The following CARD14 variants were observed in gnomAD, a reference collection of about 807,000 sequenced individuals.
CARD14 encodes the protein caspase recruitment domain-containing protein 14.
Under a neutral mutation model 111.5 loss-of-function variants are expected in CARD14, and 107 were observed. The observed-to-expected ratio is 0.96, with a 90% confidence interval of 0.82 to 1.13. CARD14 has a LOEUF of 1.13. Among genes scored for constraint, CARD14 ranks in the 50% most tolerant of loss-of-function variants. CARD14 has a pLI of 0.00. For missense variants in CARD14, 1,322 were observed against 1,362.3 expected, an observed-to-expected ratio of 0.97 and a Z score of 0.47; for synonymous variants, 617 against 579.6, an observed-to-expected ratio of 1.06 and a Z score of -0.93.
At chr17:80,181,341 A>T (rs2040166410) in intron 4 of CARD14, 78 bp from the exon 5 acceptor site, 1 of 1,111,928 alleles carries the variant, frequency 9.0e-7, no homozygotes, top group South Asian at 1.5e-5. Flanking sequence ...GATGGAGTTG[A>T]TTTTAAAACG....
At chr17:80,190,093 C>T (rs972499023) in intron 9 of CARD14, among the ~76,000 whole-genome samples, 7 of 152,114 alleles carry the variant, frequency 4.6e-5, no homozygotes, top group Admixed American at 1.3e-4. Flanking sequence ...GTGATTCAAA[C>T]GCAGGGGATT....
chr17:80,188,364 C>T lies in CARD14; in HGVS notation c.676-13C>T. On this transcript the variant is annotated splice_polypyrimidine_tract_variant and intron_variant, in intron 7 of 23. Coordinates refer to ENST00000648509, the MANE Select transcript of CARD14 (RefSeq NM_001366385.1). The surrounding 1 kb of genome is among the most constrained non-coding windows in gnomAD (Gnocchi z 4.5). ...GTTTCCATCGCCCTTCCTGTCGCCT[C>T]CCCACCGCACAGCTGTATCTACTGA... The T allele has an allele frequency of 1.9e-6, 3 of 1,604,714 alleles. No individual in the cohort carries two copies. Among genetic ancestry groups the T allele is most frequent in the Non-Finnish European group, 2.6e-6 (3 of 1,175,812 alleles).
rs1305295516 is a variant in CARD14, at chr17:80,207,642, C to T, written c.2808-496C>T. On this transcript the variant is annotated intron_variant, in intron 23 of 23. Coordinates refer to ENST00000648509, the MANE Select transcript of CARD14 (RefSeq NM_001366385.1). ...TCTGGCCTCTCCAGAATCTTGATACCAGGATGACGGTGCCTTTTACAGTGG... is the reference window on the plus strand; with the variant it reads ...TCTGGCCTCTCCAGAATCTTGATACTAGGATGACGGTGCCTTTTACAGTGG... The T allele has an allele frequency of 1.9e-5, 3 of 157,862 alleles. No homozygotes were observed. The East Asian group carries it at 5.6e-4, about 30-fold the overall frequency. The allele number at this position is 157,862 out of a possible 1,614,324, so 9.8% of individuals were successfully genotyped here.
Position 80,188,577 on chromosome 17 carries a change from T to A in CARD14, c.843+33T>A, listed in dbSNP as rs1476473187. On this transcript the variant is annotated intron_variant, in intron 8 of 23. Coordinates refer to ENST00000648509, the MANE Select transcript of CARD14 (RefSeq NM_001366385.1). The surrounding 1 kb of genome is among the most constrained non-coding windows in gnomAD (Gnocchi z 4.5). ...CCGGTCCCCGCAGCAGAGAGCGGCC[T>A]CCTGCCTTGGGGGCTTGGCCCTCAG... 2.1e-6 allele frequency: 3 copies of A among 1,432,368 alleles called. No homozygotes were observed. The highest frequency in any genetic ancestry group is 2.8e-6 in the Non-Finnish European group (3 of 1,088,772). The allele number at this position is 1,432,368 out of a possible 1,614,324, so 88.7% of individuals were successfully genotyped here.
Position 80,195,058 on chromosome 17 carries a change from T to C in CARD14, c.1357-133T>C. The C allele has an allele frequency of 8.6e-7, 1 of 1,158,018 alleles. No individual in the cohort carries two copies. Among genetic ancestry groups the C allele is most frequent in the Non-Finnish European group, 1.2e-6 (1 of 832,360 alleles). The allele number at this position is 1,158,018 out of a possible 1,614,324, so 71.7% of individuals were successfully genotyped here. A position where few individuals can be genotyped will look rare whatever the true frequency, so the allele number is the denominator to read the frequency against. Reference sequence around the variant, plus strand: ...TGCTCAGCGCATGTGACCCCATGTGTGTCCTTCTTTCCCCTCCTGCCTCCT... The same window carrying C: ...TGCTCAGCGCATGTGACCCCATGTGCGTCCTTCTTTCCCCTCCTGCCTCCT... On this transcript the variant is annotated intron_variant, in intron 12 of 23. Transcript: ENST00000648509. The surrounding 1 kb of genome is among the most constrained non-coding windows in gnomAD (Gnocchi z 4.7).
In CARD14 at chr17:80,201,566, A is replaced by G; in HGVS notation, c.1852-178A>G. 1 of 667,896 alleles carries G rather than the reference A, an allele frequency of 1.5e-6. No individual in the cohort carries two copies. The highest frequency in any genetic ancestry group is 1.7e-5 in the South Asian group (1 of 58,008). The allele number at this position is 667,896 out of a possible 1,614,324, so 41.4% of individuals were successfully genotyped here. Reference sequence around the variant, plus strand: ...CACTATGTGTAGCACGCATCACTAGAGGTGTGAAGGCCCCACAGAGGCTCT... The same window carrying G: ...CACTATGTGTAGCACGCATCACTAGGGGTGTGAAGGCCCCACAGAGGCTCT... On this transcript the variant is annotated intron_variant, in intron 16 of 23. Transcript: ENST00000648509. This position sits in a 1 kb window ranked among gnomAD's most constrained non-coding sequence, Gnocchi z 5.0.
Position 80,189,716 on chromosome 17 carries a change from G to A in CARD14, c.844-37G>A. Reference sequence around the variant, plus strand: ...TGCTTGCCTAGGGCAGGCCTCTGGGGAAGCCAGCACCCCAGGCTGACCTCT... The same window carrying A: ...TGCTTGCCTAGGGCAGGCCTCTGGGAAAGCCAGCACCCCAGGCTGACCTCT... On this transcript the variant is annotated intron_variant, in intron 8 of 23. Transcript: ENST00000648509. The surrounding 1 kb of genome is among the most constrained non-coding windows in gnomAD (Gnocchi z 4.7). 1 of 1,514,748 alleles carries A rather than the reference G, an allele frequency of 6.6e-7. No homozygotes were observed. The highest frequency in any genetic ancestry group is 1.4e-5 in the African/African-American group (1 of 69,098). The allele number at this position is 1,514,748 out of a possible 1,614,324, so 93.8% of individuals were successfully genotyped here.
chr17:80,194,476 C>T (rs2040639771), intron 12 of CARD14, among the ~76,000 whole-genome samples: 1 of 152,218 alleles, frequency 6.6e-6, no homozygotes. Flanking sequence ...CTGAGTGCGG[C>T]CTCCCCTCCC....
rs1238445537 is a variant in CARD14, at chr17:80,198,009, G to A, written c.1595-90G>A. The A allele has an allele frequency of 1.5e-6, 2 of 1,333,378 alleles. No individual in the cohort carries two copies. The highest frequency in any genetic ancestry group is 2.2e-6 in the Non-Finnish European group (2 of 930,200). The allele number at this position is 1,333,378 out of a possible 1,614,324, so 82.6% of individuals were successfully genotyped here. On this transcript the variant is annotated intron_variant, in intron 14 of 23. Transcript: ENST00000648509. This position sits in a 1 kb window ranked among gnomAD's most constrained non-coding sequence, Gnocchi z 7.5. ...ATCAGCAGTGGGGTGACCAAGATCT[G>A]TGAAGAAGGGGCTGAGGTTACAGGA...
rs1467139714 is a variant in CARD14, at chr17:80,195,579, G to C, written c.1521G>C (p.Glu507Asp). Residue 507 changes from glutamate (E) to aspartate (D), a missense_variant, in exon 14 of 24, where the codon GAG (glutamate) becomes GAC (aspartate). Transcript: ENST00000648509. This position sits in a 1 kb window ranked among gnomAD's most constrained non-coding sequence, Gnocchi z 4.7. ...GCAGCAGCTGCCTGGAGATCCCGGA[G>C]GGAGACCCGGGAGCCCTGCCGGGAG... Reference protein sequence around the residue: ...WSFSSCLEIPEGDPGALPGAK... With the variant: ...WSFSSCLEIPDGDPGALPGAK... The C allele has an allele frequency of 6.2e-7, 1 of 1,612,394 alleles. No homozygotes were observed. Among genetic ancestry groups the C allele is most frequent in the Non-Finnish European group, 8.5e-7 (1 of 1,179,764 alleles).
In CARD14 at chr17:80,175,124, C is replaced by T. The variant is rs148970388; in HGVS notation, c.-367+1896C>T. Among the ~76,000 whole-genome samples, 194 of 152,170 alleles carry T rather than the reference C, an allele frequency of 1.3e-3. 1 individual carries two copies. The Middle Eastern group carries it at 0.014, about 11-fold the overall frequency. On this transcript the variant is annotated intron_variant, in intron 2 of 23. Coordinates refer to ENST00000648509, the MANE Select transcript of CARD14 (RefSeq NM_001366385.1). Reference sequence around the variant, plus strand: ...CCAAGTAGCTTGGGGACCACAGGCTCACGCTACCATGCCCGGCTAATTTTT... The same window carrying T: ...CCAAGTAGCTTGGGGACCACAGGCTTACGCTACCATGCCCGGCTAATTTTT...
chr17:80,189,238 G>A lies in CARD14; in HGVS notation c.844-515G>A, dbSNP rs562990973. On this transcript the variant is annotated intron_variant, in intron 8 of 23. Coordinates refer to ENST00000648509, the MANE Select transcript of CARD14 (RefSeq NM_001366385.1). The surrounding 1 kb of genome is among the most constrained non-coding windows in gnomAD (Gnocchi z 4.7). Reference sequence around the variant, plus strand: ...TGGGCCTCAGGTGCACTGGAGAGAGGGGGGCTCTGAAGTGGAGCAGTGAGT... The same window carrying A: ...TGGGCCTCAGGTGCACTGGAGAGAGAGGGGCTCTGAAGTGGAGCAGTGAGT... Among the ~76,000 whole-genome samples, 2 of 152,334 alleles carry A rather than the reference G, an allele frequency of 1.3e-5. No homozygotes were observed. Among genetic ancestry groups the A allele is most frequent in the Non-Finnish European group, 2.9e-5 (2 of 68,014 alleles).
intron 4 of CARD14, among the ~76,000 whole-genome samples, chr17:80,180,419 C>T (rs2040132719): frequency 6.6e-6 from 1 of 152,168 alleles, no homozygotes. Flanking sequence ...CCGTGCTGGC[C>T]GTTACTACCC....
chr17:80,202,452 C>A, intron 18 of CARD14, 32 bp downstream of exon 18: 1 of 1,599,294 alleles, frequency 6.3e-7, no homozygotes, highest in South Asian at 1.1e-5. Context: ...GGTGCGTCCC[C>A]AGAGAGGCCC....
At chr17:80,173,605 T>C (rs1024981066) in intron 2 of CARD14, among the ~76,000 whole-genome samples, 5 of 119,384 alleles carry the variant, frequency 4.2e-5, no homozygotes, top group Non-Finnish European at 8.8e-5. Context: ...AGATTCGGCA[T>C]TTTTTTTTTT....
intron 7 of CARD14, chr17:80,187,884 G>T: frequency 2.0e-6 from 2 of 985,598 alleles, no homozygotes; most frequent in South Asian, 9.4e-5. Context: ...GTCAACACAG[G>T]AGCTTTGCTG....
chr17:80,203,764 C>T lies in CARD14; in HGVS notation c.2220-58C>T. 7.0e-7 allele frequency: 1 copy of T among 1,425,240 alleles called. No individual in the cohort carries two copies. The highest frequency in any genetic ancestry group is 9.7e-7 in the Non-Finnish European group (1 of 1,034,996). 88.3% of individuals were successfully genotyped at this position (1,425,240 alleles called of 1,614,324 possible). Reference sequence around the variant, plus strand: ...CCCACTCTCCCCTGCTCGGCTCTCCCCTGCCCTGCTCACCTGGCAGGAGGC... The same window carrying T: ...CCCACTCTCCCCTGCTCGGCTCTCCTCTGCCCTGCTCACCTGGCAGGAGGC... On this transcript the variant is annotated intron_variant, in intron 18 of 23. Coordinates refer to ENST00000648509, the MANE Select transcript of CARD14 (RefSeq NM_001366385.1). The surrounding 1 kb of genome is among the most constrained non-coding windows in gnomAD (Gnocchi z 4.6).
intron 11 of CARD14, among the ~76,000 whole-genome samples, chr17:80,191,882 A>G (rs940758622): frequency 6.6e-6 from 1 of 152,242 alleles, no homozygotes; most frequent in Non-Finnish European, 1.5e-5. Flanking sequence ...AGACAGACCT[A>G]CATGTAACGG....
At position 80,182,193 on chromosome 17, in the gene CARD14, C is replaced by T. The variant is rs968237548; in HGVS notation, c.212-460C>T. 6.6e-6 allele frequency among the ~76,000 whole-genome samples: 1 copy of T among 152,174 alleles called. No homozygotes were observed. The highest frequency in any genetic ancestry group is 2.1e-4 in the South Asian group (1 of 4,822). On this transcript the variant is annotated intron_variant, in intron 5 of 23. Transcript: ENST00000648509. The surrounding 1 kb of genome is among the most constrained non-coding windows in gnomAD (Gnocchi z 4.7). ...AGAGAGATGGGCTCTGGGCCCTGGGCGTGGAAGGCCCCGAGGCTCTCTGGG... is the reference window on the plus strand; with the variant it reads ...AGAGAGATGGGCTCTGGGCCCTGGGTGTGGAAGGCCCCGAGGCTCTCTGGG...
Sources: allele counts gnomAD v4.1 joint callset (sites outside exome capture counted in the v4.1 genomes callset), GRCh38; gene constraint gnomAD v4.1.1; non-coding constraint Gnocchi (gnomAD v3.1); transcripts MANE v1.5; gene names NCBI Gene and HGNC (gene_info 2026-07-23, HGNC 2026-07-21).